EYA2: variants seen among roughly 807,000 people sequenced by gnomAD.
EYA2 encodes protein phosphatase EYA2.
A neutral mutation model predicts 69.2 loss-of-function variants in EYA2; 31 were observed. The ratio of observed to expected loss-of-function variants is 0.45; its 90% CI spans 0.34 to 0.60. The LOEUF (loss-of-function observed/expected upper bound fraction) is 0.60, where lower values mean the gene tolerates loss of function less well. Among genes scored for constraint, EYA2 ranks in the 20% least tolerant of loss-of-function variants. The probability of loss-of-function intolerance (pLI) is 0.02; values close to 1 mark genes in which losing one functional copy is unlikely to be tolerated. For missense variants in EYA2, 622 were observed against 701.2 expected (o/e 0.89, Z 1.28); for synonymous variants, 257 against 279.4 (o/e 0.92, Z 0.80).
chr20:47,096,277 A>C (rs1211727038), intron 8 of EYA2, among the ~76,000 whole-genome samples: 2 of 152,218 alleles, frequency 1.3e-5, no homozygotes, highest in African/African-American at 2.4e-5. Flanking sequence ...GTGAACAATA[A>C]TCACAAAATG....
intron 5 of EYA2, among the ~76,000 whole-genome samples, chr20:47,043,124 G>A (rs772126031): frequency 2.6e-5 from 4 of 152,114 alleles, no homozygotes; most frequent in African/African-American, 4.8e-5. Flanking sequence ...ATAAAAGAAT[G>A]TTCATCCTGC....
chr20:47,134,981 G>T (rs1221534975), intron 9 of EYA2, among the ~76,000 whole-genome samples: 1 of 152,012 alleles, frequency 6.6e-6, no homozygotes, highest in East Asian at 1.9e-4. Flanking sequence ...CAAAAAATTA[G>T]CCGGGCGTGG....
intron 1 of EYA2, among the ~76,000 whole-genome samples, chr20:46,934,708 G>A (rs1985832986): frequency 6.6e-6 from 1 of 152,004 alleles, no homozygotes; most frequent in Non-Finnish European, 1.5e-5. Flanking sequence ...TGCACTGGGT[G>A]GAAATTTATT....
In EYA2 at chr20:47,097,184, G is replaced by C. The variant is rs776246022; in HGVS notation, c.888+16G>C. The C allele has an allele frequency of 1.0e-5, 16 of 1,576,246 alleles. No homozygotes were observed. The South Asian group carries it at 1.5e-4, about 15-fold the overall frequency. On this transcript the variant is annotated intron_variant, in intron 9 of 15. Transcript: ENST00000327619. ...ATACGGGAAGGTAAGAATCCATTTT[G>C]TCTCTCTCTCTCTTTTTTTGTTTTC...
chr20:47,140,412 A>C (rs1269770901), intron 9 of EYA2, among the ~76,000 whole-genome samples: 3 of 152,040 alleles, frequency 2.0e-5, no homozygotes, highest in Non-Finnish European at 4.4e-5. Context: ...TGTGAAGCTG[A>C]GATCACCAGC....
At chr20:47,155,270 A>G (rs1012481952) in intron 10 of EYA2, among the ~76,000 whole-genome samples, 4 of 152,012 alleles carry the variant, frequency 2.6e-5, no homozygotes, top group African/African-American at 7.2e-5. Flanking sequence ...AAGCAACCAC[A>G]TGAACACGAC....
At chr20:46,945,493 A>G (rs1978404033) in intron 1 of EYA2, among the ~76,000 whole-genome samples, 1 of 152,192 alleles carries the variant, frequency 6.6e-6, no homozygotes, top group Admixed American at 6.5e-5. Context: ...TGGAGTTCCC[A>G]CAGTTGCGCT....
chr20:46,984,723 C>T (rs1287097076), intron 1 of EYA2, among the ~76,000 whole-genome samples: 1 of 152,116 alleles, frequency 6.6e-6, no homozygotes, highest in Non-Finnish European at 1.5e-5. Flanking sequence ...CAGAAATCCT[C>T]CACCTTGGCT....
chr20:47,064,900 T>G (rs1283213126), intron 5 of EYA2, among the ~76,000 whole-genome samples: 17 of 152,210 alleles, frequency 1.1e-4, no homozygotes, highest in Non-Finnish European at 2.5e-4. Context: ...CTCATGCTGC[T>G]AGTAAAACAT....
intron 9 of EYA2, among the ~76,000 whole-genome samples, chr20:47,110,890 T>C (rs1412956418): frequency 6.6e-6 from 1 of 152,230 alleles, no homozygotes; most frequent in Non-Finnish European, 1.5e-5. Flanking sequence ...CCATGCCCCC[T>C]AGCCTGGCCT....
At chr20:47,094,013 T>C (rs2032169417) in intron 8 of EYA2, among the ~76,000 whole-genome samples, 1 of 152,026 alleles carries the variant, frequency 6.6e-6, no homozygotes, top group African/African-American at 2.4e-5. Context: ...AATTGCAAAA[T>C]AAAAGGTCTC....
At chr20:46,895,355 C>T (rs1418575639) in intron 1 of EYA2, among the ~76,000 whole-genome samples, 4 of 152,198 alleles carry the variant, frequency 2.6e-5, no homozygotes, top group African/African-American at 7.2e-5. Flanking sequence ...CCCGGCGGTT[C>T]GCGATAAGGG....
intron 5 of EYA2, among the ~76,000 whole-genome samples, chr20:47,038,637 T>A (rs1010549462): frequency 1.3e-5 from 2 of 152,194 alleles, no homozygotes; most frequent in Admixed American, 6.5e-5. Context: ...ATATAAAATT[T>A]ACCATCTTAA....
intron 14 of EYA2, among the ~76,000 whole-genome samples, chr20:47,182,628 T>TCAACAAAAA (rs779945744): frequency 1.2e-5 from 1 of 84,340 alleles, no homozygotes; most frequent in East Asian, 3.7e-4. Context: ...AGACTCCGTC[T>TCAACAAAAA]AAAAAAAAAA....
intron 1 of EYA2, among the ~76,000 whole-genome samples, chr20:46,936,174 A>T (rs187353856): frequency 2.1e-3 from 323 of 152,264 alleles, no homozygotes; most frequent in Middle Eastern, 6.8e-3. Flanking sequence ...GATGACATTT[A>T]AAAAAAGCCT....
Position 46,990,095 on chromosome 20 carries a change from G to T in EYA2, c.85G>T (p.Val29Leu), listed in dbSNP as rs1017822774. Reference protein sequence around the residue: ...KLKFNRADAAVWTLSDRQGIT... With the variant: ...KLKFNRADAALWTLSDRQGIT... ...GAAGTTTAACCGTGCTGACGCTGCTGTGTGGACTCTGAGTGACAGACAAGG... is the reference window on the plus strand; with the variant it reads ...GAAGTTTAACCGTGCTGACGCTGCTTTGTGGACTCTGAGTGACAGACAAGG... Residue 29 changes from valine to leucine, a missense_variant, in exon 2 of 16, where the codon GTG becomes TTG. Around this residue, in one of 2 missense-constraint regions of EYA2, gnomAD observed 365 missense variants for 349.7 expected, o/e 1.04. Transcript: ENST00000327619. 2 of 1,610,134 alleles carry T rather than the reference G, an allele frequency of 1.2e-6. No individual in the cohort carries two copies. The highest frequency in any genetic ancestry group is 2.7e-5 in the African/African-American group (2 of 74,874).
intron 15 of EYA2, among the ~76,000 whole-genome samples, chr20:47,185,260 A>T (rs1019826971): frequency 6.2e-5 from 9 of 145,254 alleles, no homozygotes; most frequent in Non-Finnish European, 1.2e-4. Flanking sequence ...TCTCTCCCAG[A>T]AAAATGAATC....
At chr20:46,898,212 T>G (rs1013220672) in intron 1 of EYA2, among the ~76,000 whole-genome samples, 8 of 151,944 alleles carry the variant, frequency 5.3e-5, no homozygotes, top group African/African-American at 1.9e-4. Context: ...AGACTGGGTT[T>G]TGTTGGTGGA....
chr20:46,935,385 A>G (rs1985863091), intron 1 of EYA2, among the ~76,000 whole-genome samples: 1 of 152,154 alleles, frequency 6.6e-6, no homozygotes, highest in African/African-American at 2.4e-5. Context: ...TTGTGCTGGC[A>G]CCTACTTTGC....
Sources: allele counts gnomAD v4.1 joint callset (sites outside exome capture counted in the v4.1 genomes callset), GRCh38; gene constraint gnomAD v4.1.1; regional missense constraint gnomAD v4.1.1; transcripts MANE v1.5; gene names NCBI Gene and HGNC (gene_info 2026-07-23, HGNC 2026-07-21).